Variants in ABI3 observed in about 807,000 individuals in gnomAD.
The protein encoded by ABI3 is ABI family member 3.
ABI3 carries 24 observed loss-of-function variants against 37.0 expected under a neutral mutation model. The observed-to-expected ratio is 0.65, with a 90% confidence interval of 0.47 to 0.91. The LOEUF is 0.91. Among genes scored for constraint, ABI3 ranks in the 40% least tolerant of loss-of-function variants. ABI3 has a pLI of 0.00. For missense variants in ABI3, 481 were observed against 485.1 expected (o/e 0.99, Z 0.08); for synonymous variants, 220 against 211.8 (o/e 1.04, Z -0.34).
At chr17:49,218,416 T>G (rs1274027676) in intron 3 of ABI3, among the ~76,000 whole-genome samples, 1 of 152,196 alleles carries the variant, frequency 6.6e-6, no homozygotes. Context: ...TATGTCCTTC[T>G]GCGAGGTCAG....
Position 49,220,173 on chromosome 17 carries a change from G to C in ABI3, c.649G>C (p.Ala217Pro), listed in dbSNP as rs762874167. The stretch of plus-strand genomic sequence containing the variant: ...ACCGGGCTCTCTGGTGTTCAGCAGC[G>C]CCGAAGGTGTCGGTGGGGCCCCCAC... The part of the protein sequence containing the change: ...SAFSLASAGS[A>P]EGVGGAPTPK... The change falls in exon 6 of 8, where the codon GCC becomes CCC. Residue 217 changes from alanine (A) to proline (P), a missense_variant. Ala to Pro is a conservative substitution (Grantham distance 27, BLOSUM62 -1). Transcript: ENST00000225941. 1 of 1,611,846 alleles carries C rather than the reference G, an allele frequency of 6.2e-7. No homozygotes were observed. Among genetic ancestry groups the C allele is most frequent in the Non-Finnish European group, 8.5e-7 (1 of 1,179,896 alleles).
intron 1 of ABI3, among the ~76,000 whole-genome samples, chr17:49,214,903 C>T (rs971749877): frequency 2.0e-5 from 3 of 152,090 alleles, no homozygotes; most frequent in Admixed American, 6.5e-5. Flanking sequence ...GAATCTTTTG[C>T]GTGTTGGGTG....
chr17:49,219,117 G>T lies in ABI3; in HGVS notation c.463-423G>T, dbSNP rs1245435109. Reference sequence around the variant, plus strand: ...CTCCTCTCTGCCCTAACTCCCCAAAGCCAGTTCCACAAATCTTCGAAAATG... The same window carrying T: ...CTCCTCTCTGCCCTAACTCCCCAAATCCAGTTCCACAAATCTTCGAAAATG... On this transcript the variant is annotated intron_variant, in intron 3 of 7. Coordinates refer to ENST00000225941, the MANE Select transcript of ABI3 (RefSeq NM_016428.3). This position sits in a 1 kb window ranked among gnomAD's most constrained non-coding sequence, Gnocchi z 4.3. Among the ~76,000 whole-genome samples, 1 of 152,126 alleles carries T rather than the reference G, an allele frequency of 6.6e-6. No individual in the cohort carries two copies. Among genetic ancestry groups the T allele is most frequent in the Admixed American group, 6.6e-5 (1 of 15,266 alleles).
chr17:49,220,319 C>T lies in ABI3; in HGVS notation c.795C>T (p.Pro265=). Residue 265 remains proline, a synonymous_variant, in exon 6 of 8, where the codon CCC becomes CCT. Transcript: ENST00000225941. ...CCACGCTGGAGGAGTTGTCCCCACC[C>T]CCACCGGGTAAGGAGGTCCACCCTC... ...RPPTLEELSP[P]PPDEELPLPL... 1 of 1,585,564 alleles carries T rather than the reference C, an allele frequency of 6.3e-7. No individual in the cohort carries two copies. The highest frequency in any genetic ancestry group is 2.3e-5 in the East Asian group (1 of 43,618).
Position 49,219,760 on chromosome 17 carries a change from C to T in ABI3, c.549-98C>T, listed in dbSNP as rs2043260801. 2.8e-6 allele frequency: 4 copies of T among 1,433,104 alleles called. No homozygotes were observed. The highest frequency in any genetic ancestry group is 2.8e-5 in the African/African-American group (2 of 70,818). The allele number at this position is 1,433,104 out of a possible 1,614,324, so 88.8% of individuals were successfully genotyped here. On this transcript the variant is annotated intron_variant, in intron 4 of 7. Coordinates refer to ENST00000225941, the MANE Select transcript of ABI3 (RefSeq NM_016428.3). This position sits in a 1 kb window ranked among gnomAD's most constrained non-coding sequence, Gnocchi z 4.3. ...TCATGCTGGATGCCTGGCGCCAAAC[C>T]TCCCCCTCGGCCACCTGCCCTTCCT...
At position 49,222,414 on chromosome 17, in the gene ABI3, C is replaced by T. The variant is rs2043301163; in HGVS notation, c.938-138C>T. 3.7e-6 allele frequency: 5 copies of T among 1,366,174 alleles called. No homozygotes were observed. The South Asian group carries it at 6.8e-5, about 19-fold the overall frequency. The allele number at this position is 1,366,174 out of a possible 1,614,324, so 84.6% of individuals were successfully genotyped here. A position where few individuals can be genotyped will look rare whatever the true frequency, so the allele number is the denominator to read the frequency against. On this transcript the variant is annotated intron_variant, in intron 7 of 7. Coordinates refer to ENST00000225941, the MANE Select transcript of ABI3 (RefSeq NM_016428.3). ...AATATTAACTAAGCTGGGGAGGGGTCCTGAAGGCTTGCAAGAAGGCCCCCA... is the reference window on the plus strand; with the variant it reads ...AATATTAACTAAGCTGGGGAGGGGTTCTGAAGGCTTGCAAGAAGGCCCCCA...
At chr17:49,220,387 C>T in intron 6 of ABI3, 61 bp downstream of exon 6, 2 of 1,516,436 alleles carry the variant, frequency 1.3e-6, no homozygotes, top group Non-Finnish European at 1.8e-6. Context: ...CCTGCCACTC[C>T]CCAGCCCACC....
intron 1 of ABI3, among the ~76,000 whole-genome samples, chr17:49,212,170 T>A (rs2043175480): frequency 6.6e-6 from 1 of 152,132 alleles, no homozygotes; most frequent in Admixed American, 6.5e-5. Flanking sequence ...CCCAGGCTGG[T>A]CTTGAACTCC....
intron 1 of ABI3, among the ~76,000 whole-genome samples, chr17:49,215,972 G>A (rs1400083754): frequency 1.3e-5 from 2 of 151,580 alleles, no homozygotes; most frequent in East Asian, 2.0e-4. Flanking sequence ...TAAGCTGGGC[G>A]TGGTGGCACA....
chr17:49,223,099 C>G lies in ABI3; in HGVS notation c.*384C>G, dbSNP rs1303888898. 2.4e-6 allele frequency: 1 copy of G among 414,776 alleles called. No homozygotes were observed. The highest frequency in any genetic ancestry group is 4.2e-6 in the Non-Finnish European group (1 of 235,602). 25.7% of individuals were successfully genotyped at this position (414,776 alleles called of 1,614,324 possible). A position where few individuals can be genotyped will look rare whatever the true frequency, so the allele number is the denominator to read the frequency against. ...GCTGCTGCTAATTACAGCCCCCAAC[C>G]TCCAACCCACCAGCTGACCTAGAAG... On this transcript the variant is annotated 3_prime_UTR_variant, in exon 8 of 8. Transcript: ENST00000225941.
intron 6 of ABI3, among the ~76,000 whole-genome samples, chr17:49,221,397 G>A (rs924236171): frequency 2.0e-5 from 3 of 152,096 alleles, no homozygotes; most frequent in Non-Finnish European, 4.4e-5. Flanking sequence ...CGTGAACCCG[G>A]GAGGTGGGGC....
At chr17:49,217,691 G>T in intron 2 of ABI3, 48 bp from the exon 3 acceptor site, 1 of 1,554,062 alleles carries the variant, frequency 6.4e-7, no homozygotes, top group Non-Finnish European at 8.7e-7. Context: ...GGGGAAGGGT[G>T]CTGGACACAG....
Position 49,219,682 on chromosome 17 carries a change from T to C in ABI3, c.548+57T>C. On this transcript the variant is annotated intron_variant, in intron 4 of 7. Transcript: ENST00000225941. This position sits in a 1 kb window ranked among gnomAD's most constrained non-coding sequence, Gnocchi z 4.3. ...GCCCTGCCCCGCGCGACCCTGAAAC[T>C]CTCCTCCCCCAGCCTCGCCACCCAC... 6.7e-7 allele frequency: 1 copy of C among 1,502,608 alleles called. No homozygotes were observed. The allele number at this position is 1,502,608 out of a possible 1,614,324, so 93.1% of individuals were successfully genotyped here. A position where few individuals can be genotyped will look rare whatever the true frequency, so the allele number is the denominator to read the frequency against.
At chr17:49,221,593 CAG>C (rs1458953417) in intron 6 of ABI3, among the ~76,000 whole-genome samples, 1 of 152,236 alleles carries the variant, frequency 6.6e-6, no homozygotes, top group East Asian at 1.9e-4. Flanking sequence ...TAATAAGAGG[CAG>C]AGTCTGACCG....
chr17:49,213,617 C>T lies in ABI3; in HGVS notation c.117+2776C>T, dbSNP rs564186590. ...GTAATTTGCATGATGAACAAGCACT[C>T]AGCCGCAGAGATGGATCTCAGACAC... On this transcript the variant is annotated intron_variant, in intron 1 of 7. Coordinates refer to ENST00000225941, the MANE Select transcript of ABI3 (RefSeq NM_016428.3). Among the ~76,000 whole-genome samples the T allele has an allele frequency of 2.8e-4, 43 of 152,336 alleles. No homozygotes were observed. The South Asian group carries it at 7.2e-3, about 26-fold the overall frequency.
chr17:49,219,082 C>T lies in ABI3; in HGVS notation c.463-458C>T, dbSNP rs1454470704. ...CATTTGCGCATCCCCTCTAAGTGGC[C>T]TGGGTCTTGCTCCTCTCTGCCCTAA... On this transcript the variant is annotated intron_variant, in intron 3 of 7. Transcript: ENST00000225941. The surrounding 1 kb of genome is among the most constrained non-coding windows in gnomAD (Gnocchi z 4.3). Among the ~76,000 whole-genome samples, 1 of 152,146 alleles carries T rather than the reference C, an allele frequency of 6.6e-6. No homozygotes were observed. Among genetic ancestry groups the T allele is most frequent in the African/African-American group, 2.4e-5 (1 of 41,410 alleles).
At chr17:49,220,383 A>C in intron 6 of ABI3, 57 bp downstream of exon 6, 1 of 1,516,758 alleles carries the variant, frequency 6.6e-7, no homozygotes, top group African/African-American at 1.4e-5. Flanking sequence ...GCCTCCTGCC[A>C]CTCCCCAGCC....
intron 1 of ABI3, among the ~76,000 whole-genome samples, chr17:49,211,679 T>C (rs2043169180): frequency 6.6e-6 from 1 of 152,142 alleles, no homozygotes; most frequent in Admixed American, 6.6e-5. Context: ...TTTTTCGCTC[T>C]TGTTGTCCAG....
At chr17:49,221,012 A>C (rs2043280676) in intron 6 of ABI3, among the ~76,000 whole-genome samples, 1 of 149,630 alleles carries the variant, frequency 6.7e-6, no homozygotes, top group Non-Finnish European at 1.5e-5. Flanking sequence ...AACATGACTA[A>C]AAATACAAAA....
Sources: allele counts gnomAD v4.1 joint callset (sites outside exome capture counted in the v4.1 genomes callset), GRCh38; gene constraint gnomAD v4.1.1; non-coding constraint Gnocchi (gnomAD v3.1); transcripts MANE v1.5; gene names NCBI Gene and HGNC (gene_info 2026-07-23, HGNC 2026-07-21).